The following COMMD10 variants were observed in gnomAD, a reference collection of about 807,000 sequenced individuals.
The protein encoded by COMMD10 is COMM domain-containing protein 10.
COMMD10 carries 33 observed loss-of-function variants against 28.9 expected under a neutral mutation model. The observed-to-expected ratio is 1.14, with a 90% CI of 0.87 to 1.53. COMMD10 has a LOEUF of 1.53. Among genes scored for constraint, COMMD10 ranks in the 40% most tolerant of loss-of-function variants. The pLI, the probability that COMMD10 is intolerant of heterozygous loss-of-function variation, is 0.00. For missense variants in COMMD10, 310 were observed against 233.4 expected, an observed-to-expected ratio of 1.33 and a Z score of -2.14; for synonymous variants, 110 against 81.7, an observed-to-expected ratio of 1.35 and a Z score of -1.87.
Position 116,122,434 on chromosome 5 carries a change from C to A in COMMD10, c.400-11634C>A, listed in dbSNP as rs575058335. The stretch of plus-strand genomic sequence containing the variant: ...GTAACGTGATGCCTCCAGCTTTGTT[C>A]TTTTTGCTCAGGATTGACTTGGCAA... On this transcript the variant is annotated intron_variant, in intron 4 of 6. Transcript: ENST00000274458. Among the ~76,000 whole-genome samples, 8 of 152,320 alleles carry A rather than the reference C, an allele frequency of 5.3e-5. 1 individual carries two copies. The South Asian group carries it at 1.7e-3, about 32-fold the overall frequency.
intron 5 of COMMD10, among the ~76,000 whole-genome samples, chr5:116,231,855 AC>A (rs1354265775): frequency 2.0e-5 from 3 of 152,258 alleles, no homozygotes; most frequent in East Asian, 1.9e-4. Context: ...AGAAAAAAAA[AC>A]AACAGAATAT....
intron 5 of COMMD10, among the ~76,000 whole-genome samples, chr5:116,180,923 C>A (rs972313820): frequency 6.6e-6 from 1 of 151,992 alleles, no homozygotes; most frequent in African/African-American, 2.4e-5. Flanking sequence ...GAGGCTGAGG[C>A]GGGCAGATTG....
intron 5 of COMMD10, among the ~76,000 whole-genome samples, chr5:116,191,305 G>T (rs907285876): frequency 6.6e-6 from 1 of 152,040 alleles, no homozygotes; most frequent in Non-Finnish European, 1.5e-5. Context: ...GCCAGAACTC[G>T]GGTGAGGACA....
At chr5:116,235,514 A>G (rs1277196853) in intron 5 of COMMD10, among the ~76,000 whole-genome samples, 1 of 152,196 alleles carries the variant, frequency 6.6e-6, no homozygotes. Flanking sequence ...TAATTGGAGT[A>G]TATCCTCAAA....
chr5:116,243,371 C>G (rs183868207), intron 5 of COMMD10, among the ~76,000 whole-genome samples: 261 of 152,180 alleles, frequency 1.7e-3, no homozygotes, highest in African/African-American at 5.9e-3. Flanking sequence ...AGGAGAGTAT[C>G]TTACATCCAC....
intron 5 of COMMD10, among the ~76,000 whole-genome samples, chr5:116,249,859 T>C (rs2112672307): frequency 6.6e-6 from 1 of 152,032 alleles, no homozygotes; most frequent in South Asian, 2.1e-4. Context: ...ATGAAATGAA[T>C]CAACAATGAC....
rs75396371 is a variant in COMMD10, at chr5:116,179,871, A to G, written c.510+45693A>G. 5.0e-3 allele frequency among the ~76,000 whole-genome samples: 766 copies of G among 152,168 alleles called. 6 individuals carry two copies. The highest frequency in any genetic ancestry group is 0.018 in the African/African-American group (735 of 41,522). ...GAAGTAGAAAACTCAAATCTACAAG[A>G]CATTTCTTGGGGGAAAATGATTGGA... On this transcript the variant is annotated intron_variant, in intron 5 of 6. Transcript: ENST00000274458.
chr5:116,170,225 A>C lies in COMMD10; in HGVS notation c.510+36047A>C, dbSNP rs1753276721. The stretch of plus-strand genomic sequence containing the variant: ...AAACTGAGAGCCAAATCATGAGCAA[A>C]CTCCCATTCACAATTGCTACAGAGA... On this transcript the variant is annotated intron_variant, in intron 5 of 6. Transcript: ENST00000274458. Among the ~76,000 whole-genome samples the C allele has an allele frequency of 1.3e-5, 2 of 152,210 alleles. 1 individual carries two copies. Among genetic ancestry groups the C allele is most frequent in the Middle Eastern group, 6.8e-3 (2 of 294 alleles).
chr5:116,267,376 G>C (rs1381330075), intron 5 of COMMD10, among the ~76,000 whole-genome samples: 1 of 151,800 alleles, frequency 6.6e-6, no homozygotes, highest in Non-Finnish European at 1.5e-5. Flanking sequence ...AAATACCTAG[G>C]AATCCAATTT....
chr5:116,262,986 ATTGT>A (rs1429727133), intron 5 of COMMD10, among the ~76,000 whole-genome samples: 1 of 151,870 alleles, frequency 6.6e-6, no homozygotes, highest in African/African-American at 2.4e-5. Context: ...AAAACATGAA[ATTGT>A]TTGAAATTGG....
intron 5 of COMMD10, among the ~76,000 whole-genome samples, chr5:116,232,988 T>C (rs1400326980): frequency 6.6e-6 from 1 of 152,186 alleles, no homozygotes; most frequent in Non-Finnish European, 1.5e-5. Context: ...CAATTCCGGC[T>C]AAATGGTGTG....
At chr5:116,144,348 G>A (rs1424560109) in intron 5 of COMMD10, among the ~76,000 whole-genome samples, 1 of 151,706 alleles carries the variant, frequency 6.6e-6, no homozygotes, top group South Asian at 2.1e-4. Flanking sequence ...AGGGAAGCAG[G>A]GTCAGAGAGA....
At chr5:116,221,078 A>G (rs1423638306) in intron 5 of COMMD10, among the ~76,000 whole-genome samples, 2 of 107,152 alleles carry the variant, frequency 1.9e-5, no homozygotes, top group Non-Finnish European at 3.9e-5. Flanking sequence ...CCTTTGAGAT[A>G]CTCTTTTTTT....
intron 4 of COMMD10, among the ~76,000 whole-genome samples, chr5:116,119,254 C>T (rs748047593): frequency 6.6e-6 from 1 of 152,192 alleles, no homozygotes; most frequent in Non-Finnish European, 1.5e-5. Context: ...AACAGTGAGA[C>T]TAGGCCGACT....
At chr5:116,138,675 T>C (rs911150693) in intron 5 of COMMD10, among the ~76,000 whole-genome samples, 1 of 151,750 alleles carries the variant, frequency 6.6e-6, no homozygotes, top group Admixed American at 6.6e-5. Context: ...AGTAGAATTT[T>C]TATTTATCTT....
chr5:116,094,700 A>T (rs1027805355), intron 4 of COMMD10, among the ~76,000 whole-genome samples: 1 of 152,222 alleles, frequency 6.6e-6, no homozygotes, highest in Non-Finnish European at 1.5e-5. Flanking sequence ...AAATCGGTAT[A>T]TTAAAGAAAT....
intron 5 of COMMD10, among the ~76,000 whole-genome samples, chr5:116,157,955 A>C (rs1309134012): frequency 9.2e-6 from 1 of 108,764 alleles, no homozygotes; most frequent in African/African-American, 5.2e-5. Flanking sequence ...TTTTTTTTTT[A>C]GTCAACCATT....
Position 116,291,536 on chromosome 5 carries a change from T to G in COMMD10, c.530T>G (p.Val177Gly), listed in dbSNP as rs2112718742. Residue 177 changes from valine to glycine, a missense_variant, in exon 6 of 7, where the codon GTG becomes GGG. Coordinates refer to ENST00000274458, the MANE Select transcript of COMMD10 (RefSeq NM_016144.4). ...TTACAGAGCCTGGAGAAAGTTCTTG[T>G]GGAATTCAGTCACAAGGAGTTGTTT... Reference protein sequence around the residue: ...EDSKSLEKVLVEFSHKELFDF... With the variant: ...EDSKSLEKVLGEFSHKELFDF... The G allele has an allele frequency of 6.2e-7, 1 of 1,602,852 alleles. No homozygotes were observed. Among genetic ancestry groups the G allele is most frequent in the African/African-American group, 1.3e-5 (1 of 74,752 alleles).
intron 5 of COMMD10, among the ~76,000 whole-genome samples, chr5:116,191,589 T>TA (rs1748373392): frequency 1.3e-5 from 2 of 151,724 alleles, no homozygotes; most frequent in Admixed American, 6.6e-5. Context: ...TACACAGCTC[T>TA]AGTGACCTGG....
Sources: gnomAD v4.1 joint callset for allele counts (sites outside exome capture counted in the v4.1 genomes callset) on GRCh38, gnomAD v4.1.1 for gene constraint, MANE v1.5 for transcripts, NCBI Gene and HGNC (gene_info 2026-07-23, HGNC 2026-07-21) for gene names.